Variants in CACNA1A observed in about 807,000 individuals in gnomAD.
CACNA1A encodes calcium voltage-gated channel subunit alpha1 A.
In CACNA1A, 57 loss-of-function variants were observed where a neutral mutation model predicts 262.4. The ratio of observed to expected loss-of-function variants is 0.22; its 90% CI spans 0.18 to 0.27. The LOEUF (loss-of-function observed/expected upper bound fraction) is 0.27, where lower values mean the gene tolerates loss of function less well. Among genes scored for constraint, CACNA1A ranks in the 10% least tolerant of loss-of-function variants. CACNA1A has a pLI of 1.00. For synonymous variants in CACNA1A, 1,431 were observed against 1,419.3 expected (o/e 1.01, Z -0.18); for missense variants, 2,526 against 3,562.8 (o/e 0.71, Z 7.41).
Position 13,208,824 on chromosome 19 carries a change from CCCGGCCGTGGT to C in CACNA1A, c.6701_6711del (p.Asp2234GlyfsTer26). 6.5e-7 allele frequency: 1 copy of C among 1,544,696 alleles called. No individual in the cohort carries two copies. The highest frequency in any genetic ancestry group is 8.7e-7 in the Non-Finnish European group (1 of 1,152,520). ...GACCAGCGCTGGTCCCGAGCCCGTG[CCCGGCCGTGGT>C]CCGGCCGTTCCTGGGCATAGCGGTC... On this transcript the variant is annotated frameshift_variant, in exon 46 of 47. Transcript: ENST00000360228. LOFTEE classifies it high-confidence loss of function.
intron 3 of CACNA1A, among the ~76,000 whole-genome samples, chr19:13,421,947 A>C (rs1306347516): frequency 6.6e-6 from 1 of 152,218 alleles, no homozygotes; most frequent in Non-Finnish European, 1.5e-5. Flanking sequence ...GGTGGAAAGA[A>C]GAAGAGTATT....
In CACNA1A at chr19:13,303,819, C is replaced by T. The variant is rs774083779; in HGVS notation, c.2052G>A (p.Gln684=). The T allele has an allele frequency of 3.7e-6, 6 of 1,613,652 alleles. No individual in the cohort carries two copies. In the South Asian group the frequency reaches 4.4e-5, roughly 12 times the overall value. Reference sequence around the variant, plus strand: ...AATAGATGGAGAACACCATGCCGCCCTGCACGCCCCCCTGAGACTTGATCC... The same window carrying T: ...AATAGATGGAGAACACCATGCCGCCTTGCACGCCCCCCTGAGACTTGATCC... ...YDGIKSQGGV[Q]GGMVFSIYFI... Residue 684 remains glutamine (Q), a synonymous_variant, in exon 16 of 47, where the codon CAG becomes CAA. Transcript: ENST00000360228.
intron 2 of CACNA1A, 126 bp from the exon 3 acceptor site, chr19:13,453,141 C>T (rs2060945452): frequency 2.2e-6 from 2 of 906,018 alleles, no homozygotes; most frequent in Admixed American, 2.3e-5. Context: ...CTGCACTCAC[C>T]ACCCCTCACT....
At chr19:13,225,611 G>T (rs2055406286) in intron 37 of CACNA1A, 1 of 152,268 alleles carries the variant, frequency 6.6e-6, no homozygotes, top group East Asian at 1.9e-4. Flanking sequence ...CACAGAGAAG[G>T]GGGGTGAGGG....
At chr19:13,497,570 ATATATAT>A (rs1568710091) in intron 1 of CACNA1A, among the ~76,000 whole-genome samples, 385 of 36,950 alleles carry the variant, frequency 0.01, 97 homozygotes, top group East Asian at 0.015. Flanking sequence ...ATATATATAT[ATATATAT>A]ATAAATTTAT....
chr19:13,262,700 C>A (rs767050114), intron 25 of CACNA1A, 34 bp downstream of exon 25: 2 of 1,331,420 alleles, frequency 1.5e-6, no homozygotes, highest in South Asian at 2.4e-5. Context: ...CCTGACAGTC[C>A]CCCCCACCGC....
At chr19:13,481,510 T>A (rs1285833507) in intron 1 of CACNA1A, among the ~76,000 whole-genome samples, 1 of 139,934 alleles carries the variant, frequency 7.1e-6, no homozygotes, top group African/African-American at 2.6e-5. Flanking sequence ...TCATCACAGA[T>A]CCTTGGAGGA....
chr19:13,277,451 G>A, intron 22 of CACNA1A: 1 of 210,850 alleles, frequency 4.7e-6, no homozygotes, highest in Non-Finnish European at 9.7e-6. Flanking sequence ...ATTAGAAGCG[G>A]CCCCAGAGAA....
At chr19:13,465,040 T>C (rs2061207673) in intron 1 of CACNA1A, among the ~76,000 whole-genome samples, 1 of 152,090 alleles carries the variant, frequency 6.6e-6, no homozygotes, top group South Asian at 2.1e-4. Flanking sequence ...GCAATTCTCC[T>C]GCCTCAGCCT....
chr19:13,311,013 G>A (rs769353013), intron 12 of CACNA1A, among the ~76,000 whole-genome samples: 6 of 152,080 alleles, frequency 3.9e-5, no homozygotes, highest in Admixed American at 6.6e-5. Flanking sequence ...GGCTGGTCTT[G>A]AACTCCTGAC....
chr19:13,383,801 ATTGTTTGT>A (rs552051838), intron 3 of CACNA1A, among the ~76,000 whole-genome samples: 6 of 151,922 alleles, frequency 3.9e-5, no homozygotes, highest in African/African-American at 1.5e-4. Context: ...CTGGAATTAT[ATTGTTTGT>A]TTGTTTGTTT....
chr19:13,469,053 C>G (rs2061302902), intron 1 of CACNA1A, among the ~76,000 whole-genome samples: 2 of 152,020 alleles, frequency 1.3e-5, no homozygotes, highest in Non-Finnish European at 2.9e-5. Flanking sequence ...GAGGAGGGCT[C>G]CCTCAAAAGC....
At position 13,254,454 on chromosome 19, in the gene CACNA1A, C is replaced by G. The variant is rs188621728; in HGVS notation, c.4755+641G>C. Among the ~76,000 whole-genome samples the G allele has an allele frequency of 1.1e-3, 174 of 152,044 alleles. 1 individual carries two copies. The highest frequency in any genetic ancestry group is 3.9e-3 in the African/African-American group (163 of 41,456). ...CTCGGCTCATGGCAACCTCCGCCTC[C>G]CGGGTTCAAGCAATTCTCCTGCCTC... is the stretch of plus-strand genomic sequence containing the variant. On this transcript the variant is annotated intron_variant, in intron 29 of 46. Transcript: ENST00000360228.
intron 3 of CACNA1A, among the ~76,000 whole-genome samples, chr19:13,397,060 G>T (rs2059823109): frequency 6.6e-6 from 1 of 152,078 alleles, no homozygotes; most frequent in South Asian, 2.1e-4. Flanking sequence ...GTCTCTTCAT[G>T]GCATGGTCTT....
rs141983807 is a variant in CACNA1A, at chr19:13,414,079, C to T, written c.539+38797G>A. The stretch of plus-strand genomic sequence containing the variant: ...TCTCTACAAAAAATACAAAAATTAG[C>T]CAGGTGTGTTGGTGCCCGTCTGTAG... On this transcript the variant is annotated intron_variant, in intron 3 of 46. Coordinates refer to ENST00000360228, the MANE Select transcript of CACNA1A (RefSeq NM_001127222.2). Among the ~76,000 whole-genome samples, 1,018 of 151,548 alleles carry T rather than the reference C, an allele frequency of 6.7e-3. 4 individuals are homozygous for T. Among genetic ancestry groups the T allele is most frequent in the Middle Eastern group, 0.021 (6 of 292 alleles).
chr19:13,327,367 G>T (rs958087375), intron 10 of CACNA1A, among the ~76,000 whole-genome samples: 13 of 151,390 alleles, frequency 8.6e-5, no homozygotes, highest in African/African-American at 3.1e-4. Context: ...TGTAGCAAAC[G>T]TGGCTATGAA....
chr19:13,334,640 G>C (rs2058530923), intron 7 of CACNA1A, 147 bp from the exon 8 acceptor site: 1 of 602,866 alleles, frequency 1.7e-6, no homozygotes, highest in Non-Finnish European at 3.0e-6. Flanking sequence ...TGGAGGTCAG[G>C]AGTTTTCAAC....
intron 24 of CACNA1A, among the ~76,000 whole-genome samples, chr19:13,265,181 C>T (rs1453197417): frequency 6.6e-6 from 1 of 152,158 alleles, no homozygotes; most frequent in African/African-American, 2.4e-5. Flanking sequence ...GCCATTTCCC[C>T]TTTAATCTTG....
intron 1 of CACNA1A, among the ~76,000 whole-genome samples, chr19:13,499,903 C>T (rs1431105609): frequency 6.6e-6 from 1 of 151,996 alleles, no homozygotes; most frequent in African/African-American, 2.4e-5. Flanking sequence ...GTCCACCTTC[C>T]CGGCGGTGCT....
Sources: allele counts gnomAD v4.1 joint callset (sites outside exome capture counted in the v4.1 genomes callset), GRCh38; gene constraint gnomAD v4.1.1; transcripts MANE v1.5; gene names NCBI Gene and HGNC (gene_info 2026-07-23, HGNC 2026-07-21).